The following KIF21A variants were observed in gnomAD, a reference collection of about 807,000 sequenced individuals.
KIF21A encodes kinesin family member 21A, also known as kinesin-like protein KIF21A.
Under a neutral mutation model 202.9 loss-of-function variants are expected in KIF21A, and 114 were observed. The ratio of observed to expected loss-of-function variants is 0.56; its 90% CI spans 0.48 to 0.66. The LOEUF (loss-of-function observed/expected upper bound fraction) is 0.66, where lower values mean the gene tolerates loss of function less well. Ranked by LOEUF, KIF21A falls within the 30% of genes least tolerant of loss-of-function variation. KIF21A has a pLI of 0.00. For missense variants in KIF21A, 1,677 were observed against 1,994.9 expected (o/e 0.84, Z 3.04); for synonymous variants, 667 against 670.8 (o/e 0.99, Z 0.09).
At position 39,351,914 on chromosome 12, in the gene KIF21A, T is replaced by C. The variant is rs1948416060; in HGVS notation, c.1536A>G (p.Ala512=). Residue 512 remains alanine (A), a synonymous_variant, in exon 11 of 38, where the codon GCA becomes GCG. Transcript: ENST00000361418. ...NLRKNLTRAT[A]RAPYFSGSST... is the part of the protein sequence containing the mutation. The stretch of plus-strand genomic sequence containing the variant: ...ATGATCCGCTGAAATATGGCGCTCT[T>C]GCTGTGGCTCTTGTCAAGTTTTTTC... 1 of 1,613,522 alleles carries C rather than the reference T, an allele frequency of 6.2e-7. No homozygotes were observed.
At chr12:39,312,031 A>G (rs1359151987) in intron 31 of KIF21A, 1 of 155,046 alleles carries the variant, frequency 6.4e-6, no homozygotes, top group African/African-American at 2.4e-5. Context: ...AGATAGGAAT[A>G]ATTGAATGAA....
intron 1 of KIF21A, among the ~76,000 whole-genome samples, chr12:39,427,030 G>A (rs1954820392): frequency 6.6e-6 from 1 of 152,124 alleles, no homozygotes; most frequent in South Asian, 2.1e-4. Flanking sequence ...TTTCATGGGA[G>A]AGCCATCAGG....
At chr12:39,318,240 T>C (rs1241059485) in intron 28 of KIF21A, 39 bp from the exon 29 acceptor site, 2 of 1,600,922 alleles carry the variant, frequency 1.2e-6, no homozygotes, top group Admixed American at 1.7e-5. Context: ...TGGCTTTAAT[T>C]GGTTATGATT....
In KIF21A at chr12:39,341,557, G is replaced by T. The variant is rs1373965379; in HGVS notation, c.1869C>A (p.Asp623Glu). 1.2e-6 allele frequency: 2 copies of T among 1,612,326 alleles called. No homozygotes were observed. The highest frequency in any genetic ancestry group is 1.3e-5 in the African/African-American group (1 of 74,974). ...CATCAGAACTTTCACCCCCATCAAT[G>T]TCATCTTCCTCCTCCTCCTCCTCCT... is the stretch of plus-strand genomic sequence containing the variant. ...EEEEEEEEED[D>E]IDGGESSDES... The change falls in exon 14 of 38, where the codon GAC (aspartate) becomes GAA (glutamate). Residue 623 changes from aspartate (D) to glutamate (E), a missense_variant. Physicochemically the swap from Asp to Glu is conservative, Grantham distance 45. This residue lies in a region of KIF21A where 966 missense variants were observed against 1,180.9 expected (regional missense o/e 0.82). Coordinates refer to ENST00000361418, the MANE Select transcript of KIF21A (RefSeq NM_001173464.2).
intron 24 of KIF21A, among the ~76,000 whole-genome samples, chr12:39,327,807 C>A (rs1265135559): frequency 6.6e-6 from 1 of 152,188 alleles, no homozygotes; most frequent in Non-Finnish European, 1.5e-5. Context: ...GTACTCTCAA[C>A]TCTGAGAACA....
intron 31 of KIF21A, chr12:39,311,850 T>C (rs1486148147): frequency 6.0e-6 from 2 of 334,710 alleles, no homozygotes; most frequent in Admixed American, 8.1e-5. Context: ...GAAGCCACAA[T>C]GGGAATTATT....
At chr12:39,340,453 G>T in intron 15 of KIF21A, 89 bp from the exon 16 acceptor site, 1 of 977,606 alleles carries the variant, frequency 1.0e-6, no homozygotes, top group Non-Finnish European at 1.5e-6. Flanking sequence ...TAAGAGAAGA[G>T]CTACTTCCCA....
intron 37 of KIF21A, among the ~76,000 whole-genome samples, chr12:39,299,162 G>C (rs1333344015): frequency 6.6e-6 from 1 of 151,968 alleles, no homozygotes; most frequent in East Asian, 1.9e-4. Context: ...ACTATCAATA[G>C]AGTAAACAGA....
chr12:39,391,402 T>C (rs1184800114), intron 1 of KIF21A, among the ~76,000 whole-genome samples: 1 of 152,042 alleles, frequency 6.6e-6, no homozygotes, highest in Non-Finnish European at 1.5e-5. Context: ...TCCCTATGCA[T>C]CCTGAACTAA....
At chr12:39,296,070 G>A (rs1296819226) in intron 37 of KIF21A, among the ~76,000 whole-genome samples, 48 of 126,600 alleles carry the variant, frequency 3.8e-4, no homozygotes, top group Admixed American at 1.2e-3. Context: ...CTTGGGATAC[G>A]CTTTTTTTTT....
At position 39,370,052 on chromosome 12, in the gene KIF21A, A is replaced by C. The variant is rs1398535026; in HGVS notation, c.254T>G (p.Phe85Cys). Reference sequence around the variant, plus strand: ...TATGGCACTTACTTGTCCATAAGCAAAAACTGTAGCATTGTATCCTTCAAA... The same window carrying C: ...TATGGCACTTACTTGTCCATAAGCACAAACTGTAGCATTGTATCCTTCAAA... ...GCFEGYNATV[F>C]AYGQTGAGKT... The change falls in exon 2 of 38, where the codon TTT becomes TGT. Residue 85 changes from phenylalanine (F) to cysteine (C), a missense_variant. This residue lies in a region of KIF21A where 966 missense variants were observed against 1,180.9 expected (regional missense o/e 0.82). Transcript: ENST00000361418. The C allele has an allele frequency of 1.2e-6, 2 of 1,613,250 alleles. No homozygotes were observed.
At chr12:39,419,958 GAGAGGAGAGGT>G (rs1282314102) in intron 1 of KIF21A, among the ~76,000 whole-genome samples, 1 of 151,868 alleles carries the variant, frequency 6.6e-6, no homozygotes, top group Non-Finnish European at 1.5e-5. Flanking sequence ...TGTCCACCCG[GAGAGGAGAGGT>G]GAGAGTTCTG....
chr12:39,423,290 A>G (rs768958174), intron 1 of KIF21A, among the ~76,000 whole-genome samples: 2 of 151,858 alleles, frequency 1.3e-5, no homozygotes, highest in African/African-American at 4.8e-5. Context: ...TGTAGTTTCC[A>G]GTATCTCTCT....
At chr12:39,433,400 T>G (rs1003025543) in intron 1 of KIF21A, among the ~76,000 whole-genome samples, 2 of 152,280 alleles carry the variant, frequency 1.3e-5, no homozygotes, top group East Asian at 1.9e-4. Flanking sequence ...TAATTAAAAT[T>G]TTTATATTAT....
Position 39,366,974 on chromosome 12 carries a change from T to C in KIF21A, c.735+56A>G, listed in dbSNP as rs1949644114. ...CTCAAATATATTCTCAGAGAATTCA[T>C]GTGGTTTTAGGGAGATAAAAATTGA... On this transcript the variant is annotated intron_variant, in intron 5 of 37. Coordinates refer to ENST00000361418, the MANE Select transcript of KIF21A (RefSeq NM_001173464.2). 6 of 1,472,718 alleles carry C rather than the reference T, an allele frequency of 4.1e-6. No homozygotes were observed. The South Asian group carries it at 6.8e-5, about 17-fold the overall frequency. The allele number at this position is 1,472,718 out of a possible 1,614,324, so 91.2% of individuals were successfully genotyped here.
chr12:39,391,550 C>T (rs1257734721), intron 1 of KIF21A, among the ~76,000 whole-genome samples: 2 of 151,712 alleles, frequency 1.3e-5, no homozygotes, highest in African/African-American at 4.8e-5. Flanking sequence ...CCAACCTGGG[C>T]AACATAGGAA....
chr12:39,346,105 T>C (rs1947868230), intron 12 of KIF21A, among the ~76,000 whole-genome samples: 1 of 152,048 alleles, frequency 6.6e-6, no homozygotes, highest in South Asian at 2.1e-4. Flanking sequence ...CACAAGTTTC[T>C]GTAAGACAAA....
intron 32 of KIF21A, among the ~76,000 whole-genome samples, chr12:39,310,541 C>T (rs1200414612): frequency 6.6e-6 from 1 of 152,088 alleles, no homozygotes; most frequent in Non-Finnish European, 1.5e-5. Flanking sequence ...CCTCAATGAC[C>T]AGCACTTCTC....
At chr12:39,399,625 A>G (rs536553522) in intron 1 of KIF21A, among the ~76,000 whole-genome samples, 1 of 152,352 alleles carries the variant, frequency 6.6e-6, no homozygotes, top group South Asian at 2.1e-4. Context: ...TAATTTGGTT[A>G]TCCCACATCT....
Sources: allele counts gnomAD v4.1 joint callset (sites outside exome capture counted in the v4.1 genomes callset), GRCh38; gene constraint gnomAD v4.1.1; regional missense constraint gnomAD v4.1.1; transcripts MANE v1.5; gene names NCBI Gene and HGNC (gene_info 2026-07-23, HGNC 2026-07-21).